Variants in DLEC1 observed in about 807,000 individuals in gnomAD.
The protein encoded by DLEC1 is DLEC1 cilia and flagella associated protein, also known as deleted in lung and esophageal cancer protein 1.
A neutral mutation model predicts 198.1 loss-of-function variants in DLEC1; 146 were observed. That is an observed-to-expected ratio of 0.74 (90% CI 0.64 to 0.85). The LOEUF is 0.85. Among genes scored for constraint, DLEC1 ranks in the 40% least tolerant of loss-of-function variants. The probability of loss-of-function intolerance (pLI) is 0.00; values close to 1 mark genes in which losing one functional copy is unlikely to be tolerated. For synonymous variants in DLEC1, 897 were observed against 866.8 expected, an observed-to-expected ratio of 1.03 and a Z score of -0.61; for missense variants, 2,233 against 2,220.0, an observed-to-expected ratio of 1.01 and a Z score of -0.12.
At chr3:38,051,061 CCACT>C (rs1701093417) in intron 2 of DLEC1, among the ~76,000 whole-genome samples, 3 of 152,040 alleles carry the variant, frequency 2.0e-5, no homozygotes, top group Non-Finnish European at 4.4e-5. Flanking sequence ...ACCACCACAC[CCACT>C]AATTTTTGTA....
At chr3:38,056,962 A>T (rs747573964) in intron 2 of DLEC1, among the ~76,000 whole-genome samples, 1 of 152,228 alleles carries the variant, frequency 6.6e-6, no homozygotes, top group Non-Finnish European at 1.5e-5. Context: ...AATGATGATG[A>T]TGATGTCAGG....
intron 9 of DLEC1, among the ~76,000 whole-genome samples, chr3:38,087,506 C>T (rs112482473): frequency 0.017 from 2,313 of 136,692 alleles, 1 homozygote; most frequent in Middle Eastern, 0.048. Flanking sequence ...CACCATCCAT[C>T]AGCACTGACA....
chr3:38,122,345 C>A lies in DLEC1; in HGVS notation c.5201C>A (p.Ser1734Tyr). 1 of 1,614,148 alleles carries A rather than the reference C, an allele frequency of 6.2e-7. No individual in the cohort carries two copies. Among genetic ancestry groups the A allele is most frequent in the South Asian group, 1.1e-5 (1 of 91,078 alleles). ...GTGGAAGGTGTGCTCGGTGAGAAGT[C>A]CTGCACCCTGCGGCTCCGGGGCCAA... ...MVVEGVLGEKSCTLRLRGQGS... is the reference protein window; with the variant it reads ...MVVEGVLGEKYCTLRLRGQGS... The change falls in exon 37 of 37, where the codon TCC becomes TAC. Residue 1734 changes from serine to tyrosine, a missense_variant. Ser to Tyr is a moderately radical substitution (Grantham distance 144, BLOSUM62 -2). Coordinates refer to ENST00000308059, the MANE Select transcript of DLEC1 (RefSeq NM_007335.4).
intron 2 of DLEC1, among the ~76,000 whole-genome samples, chr3:38,050,235 GT>G (rs1424953585): frequency 6.6e-6 from 1 of 151,830 alleles, no homozygotes; most frequent in Non-Finnish European, 1.5e-5. Context: ...CACCCGGCTA[GT>G]TTTTTGTATT....
chr3:38,123,184 C>A lies in DLEC1; in HGVS notation c.*772C>A, dbSNP rs1437004342. 15 of 1,529,220 alleles carry A rather than the reference C, an allele frequency of 9.8e-6. No individual in the cohort carries two copies. The highest frequency in any genetic ancestry group is 1.4e-5 in the African/African-American group (1 of 73,272). 94.7% of individuals were successfully genotyped at this position (1,529,220 alleles called of 1,614,324 possible). A position where few individuals can be genotyped will look rare whatever the true frequency, so the allele number is the denominator to read the frequency against. On this transcript the variant is annotated 3_prime_UTR_variant, in exon 37 of 37. Transcript: ENST00000308059. Reference sequence around the variant, plus strand: ...CCCACCAAATTACCTCCAGACCAGGCTGACCCAGAAGGACGTCATGGACAA... The same window carrying A: ...CCCACCAAATTACCTCCAGACCAGGATGACCCAGAAGGACGTCATGGACAA...
Position 38,116,538 on chromosome 3 carries a change from C to G in DLEC1, c.3942C>G (p.Phe1314Leu), listed in dbSNP as rs768897637. 4.3e-6 allele frequency: 7 copies of G among 1,614,036 alleles called. No homozygotes were observed. Among genetic ancestry groups the G allele is most frequent in the Non-Finnish European group, 5.1e-6 (6 of 1,180,008 alleles). The change falls in exon 28 of 37, where the codon TTC becomes TTG. Residue 1314 changes from phenylalanine (F) to leucine (L), a missense_variant. Phe to Leu is a conservative substitution (Grantham distance 22, BLOSUM62 0). Coordinates refer to ENST00000308059, the MANE Select transcript of DLEC1 (RefSeq NM_007335.4). ...TGCTGGTGTTTTATGGGCCACCTTT[C>G]CCGCTGCGGGACCAAGCCGGGAATG... Reference protein sequence around the residue: ...VELLVFYGPPFPLRDQAGNEL... With the variant: ...VELLVFYGPPLPLRDQAGNEL...
intron 27 of DLEC1, among the ~76,000 whole-genome samples, chr3:38,115,355 G>A (rs111732559): frequency 2.0e-5 from 3 of 152,226 alleles, no homozygotes; most frequent in African/African-American, 7.2e-5. Context: ...TCTGCCGAGG[G>A]GCTTCCCTCC....
At chr3:38,042,146 C>T (rs1700687813) in intron 1 of DLEC1, among the ~76,000 whole-genome samples, 1 of 151,998 alleles carries the variant, frequency 6.6e-6, no homozygotes, top group African/African-American at 2.4e-5. Flanking sequence ...ACATGCACCA[C>T]CATGCCTGGC....
intron 1 of DLEC1, among the ~76,000 whole-genome samples, chr3:38,041,156 C>T (rs1363495492): frequency 2.0e-5 from 3 of 152,072 alleles, no homozygotes; most frequent in Non-Finnish European, 4.4e-5. Flanking sequence ...CGCCTGCCAC[C>T]ACACCTGGCT....
rs539786197 is a variant in DLEC1 at position 38,082,814 on chromosome 3, T to C, written c.1174-1344T>C. ...GAAAAGCGGGACTTGCCGCTAAGGG[T>C]GAAGGACCAAGGCAGGCCTCCCTGC... On this transcript the variant is annotated intron_variant, in intron 6 of 36. Transcript: ENST00000308059. Among the ~76,000 whole-genome samples, 674 of 151,964 alleles carry C rather than the reference T, an allele frequency of 4.4e-3. 8 individuals are homozygous for C. The highest frequency in any genetic ancestry group is 0.015 in the African/African-American group (604 of 41,430).
intron 20 of DLEC1, among the ~76,000 whole-genome samples, chr3:38,108,097 C>T (rs781149391): frequency 3.3e-4 from 51 of 152,316 alleles, no homozygotes; most frequent in Non-Finnish European, 5.4e-4. Context: ...TGTCATGGGA[C>T]ATAAGGCCAC....
chr3:38,118,112 T>C, intron 33 of DLEC1, 88 bp downstream of exon 33: 3 of 1,442,140 alleles, frequency 2.1e-6, no homozygotes, highest in Non-Finnish European at 2.8e-6. Flanking sequence ...CTCAGGTGCT[T>C]GTACCCAGAC....
At position 38,084,227 on chromosome 3, in the gene DLEC1, T is replaced by C; in HGVS notation, c.1243T>C (p.Tyr415His). Residue 415 changes from tyrosine (Y) to histidine (H), a missense_variant, in exon 7 of 37, where the codon TAC becomes CAC. Physicochemically the swap from Tyr to His is moderately conservative, Grantham distance 83. Coordinates refer to ENST00000308059, the MANE Select transcript of DLEC1 (RefSeq NM_007335.4). ...YLRVLPPSTP[Y>H]FALGLGMFPG... The stretch of plus-strand genomic sequence containing the variant: ...GCGAGTCCTCCCGCCTTCCACGCCA[T>C]ACTTCGCTCTGGGACTGGGTAAGTT... 1 of 1,612,588 alleles carries C rather than the reference T, an allele frequency of 6.2e-7. No individual in the cohort carries two copies. Among genetic ancestry groups the C allele is most frequent in the East Asian group, 2.2e-5 (1 of 44,846 alleles).
rs1448723134 is a variant in DLEC1 at position 38,116,566 on chromosome 3, C to G, written c.3970C>G (p.Leu1324Val). 2 of 1,614,032 alleles carry G rather than the reference C, an allele frequency of 1.2e-6. No homozygotes were observed. The highest frequency in any genetic ancestry group is 2.7e-5 in the African/African-American group (2 of 74,916). ...GCTGCGGGACCAAGCCGGGAATGAG[C>G]TTGTGTGCCCTGATACCCCTGAGGG... ...FPLRDQAGNE[L>V]VCPDTPEGGC... Residue 1324 changes from leucine to valine, a missense_variant, in exon 28 of 37, where the codon CTT (leucine) becomes GTT (valine). Leu to Val is a conservative substitution (Grantham distance 32). Transcript: ENST00000308059.
In DLEC1 at chr3:38,086,304, GC is replaced by G. The variant is rs1559433154; in HGVS notation, c.1500del (p.Cys500Ter). On this transcript the variant is annotated frameshift_variant, in exon 9 of 37. Transcript: ENST00000308059. LOFTEE classifies it high-confidence loss of function. ...IGGVKMTRFI[C>X]KNVGFSVGRF... is the part of the protein sequence containing the mutation. Reference sequence around the variant, plus strand: ...GGAGTCAAGATGACCAGATTCATCTGCAAAAATGTGGGTTTCAGTGTTGGCA... The same window carrying G: ...GGAGTCAAGATGACCAGATTCATCTGAAAAATGTGGGTTTCAGTGTTGGCA... The G allele has an allele frequency of 6.2e-7, 1 of 1,612,964 alleles. No homozygotes were observed. Among genetic ancestry groups the G allele is most frequent in the Non-Finnish European group, 8.5e-7 (1 of 1,179,414 alleles).
intron 25 of DLEC1, among the ~76,000 whole-genome samples, chr3:38,113,362 T>A (rs181734145): frequency 6.6e-6 from 1 of 152,188 alleles, no homozygotes; most frequent in Non-Finnish European, 1.5e-5. Context: ...CAGCCTGTTA[T>A]ATGATGCTGT....
rs766360947 is a variant in DLEC1, at chr3:38,116,478, T to C, written c.3882T>C (p.Tyr1294=). ...PCDIRLDWET[Y]VPEDKEDRLV... The stretch of plus-strand genomic sequence containing the variant: ...ACATCCGCCTGGATTGGGAGACCTA[T>C]GTTCCAGAAGACAAGGAAGACCGGC... The change falls in exon 28 of 37, where the codon TAT becomes TAC. Residue 1294 remains tyrosine (Y), a synonymous_variant. Transcript: ENST00000308059. The C allele has an allele frequency of 6.2e-7, 1 of 1,614,092 alleles. No individual in the cohort carries two copies. Among genetic ancestry groups the C allele is most frequent in the Non-Finnish European group, 8.5e-7 (1 of 1,179,978 alleles).
chr3:38,081,797 A>AC (rs1185546846), intron 6 of DLEC1, among the ~76,000 whole-genome samples: 13 of 81,098 alleles, frequency 1.6e-4, no homozygotes, highest in Admixed American at 2.6e-4. Context: ...CGGGGGGCTG[A>AC]CCCCCCCACC....
chr3:38,112,175 C>A lies in DLEC1; in HGVS notation c.3515-35C>A, dbSNP rs143351420. ...TTTGGACCTCACTCCCAACCCCAGG[C>A]CCGTGAATCCCCCACAGTCGCGGTT... On this transcript the variant is annotated intron_variant, in intron 24 of 36. Coordinates refer to ENST00000308059, the MANE Select transcript of DLEC1 (RefSeq NM_007335.4). This position sits in a 1 kb window ranked among gnomAD's most constrained non-coding sequence, Gnocchi z 4.8. 22 of 1,613,236 alleles carry A rather than the reference C, an allele frequency of 1.4e-5. No individual in the cohort carries two copies. In the East Asian group the frequency reaches 4.5e-4, roughly 33 times the overall value.
Sources: allele counts gnomAD v4.1 joint callset (sites outside exome capture counted in the v4.1 genomes callset), GRCh38; gene constraint gnomAD v4.1.1; non-coding constraint Gnocchi (gnomAD v3.1); transcripts MANE v1.5; gene names NCBI Gene and HGNC (gene_info 2026-07-23, HGNC 2026-07-21).